Variants in PLEKHH2 observed in about 807,000 individuals in gnomAD.
PLEKHH2 encodes pleckstrin homology domain-containing family H member 2.
In PLEKHH2, 129 loss-of-function variants were observed where a neutral mutation model predicts 187.9. That is an observed-to-expected ratio of 0.69 (90% CI 0.59 to 0.79). The LOEUF (loss-of-function observed/expected upper bound fraction) is 0.79. PLEKHH2 is among the 30% of genes least tolerant of loss of function. PLEKHH2 has a pLI of 0.00. For synonymous variants in PLEKHH2, 686 were observed against 605.6 expected, an observed-to-expected ratio of 1.13 and a Z score of -1.95; for missense variants, 2,076 against 1,751.2, an observed-to-expected ratio of 1.19 and a Z score of -3.31.
intron 2 of PLEKHH2, among the ~76,000 whole-genome samples, chr2:43,646,014 C>T (rs956604812): frequency 3.9e-5 from 6 of 152,094 alleles, no homozygotes; most frequent in Non-Finnish European, 8.8e-5. Flanking sequence ...TAAGTCTAAA[C>T]TTGCATATAT....
chr2:43,736,398 A>G (rs2104583564), intron 19 of PLEKHH2, among the ~76,000 whole-genome samples: 1 of 152,246 alleles, frequency 6.6e-6, no homozygotes, highest in South Asian at 2.1e-4. Context: ...AAAACTAATG[A>G]CATACGCCCT....
intron 17 of PLEKHH2, among the ~76,000 whole-genome samples, chr2:43,727,634 T>C (rs568560181): frequency 6.6e-6 from 1 of 152,226 alleles, no homozygotes; most frequent in Admixed American, 6.5e-5. Flanking sequence ...ATCATTGTTT[T>C]TGAGCACATG....
intron 20 of PLEKHH2, among the ~76,000 whole-genome samples, chr2:43,740,069 C>T (rs904466007): frequency 2.6e-5 from 4 of 152,066 alleles, no homozygotes; most frequent in African/African-American, 4.8e-5. Context: ...TTTAATATAA[C>T]GTTTTAAAAA....
At chr2:43,747,967 C>A (rs893577309) in intron 24 of PLEKHH2, among the ~76,000 whole-genome samples, 7 of 152,208 alleles carry the variant, frequency 4.6e-5, no homozygotes, top group Non-Finnish European at 1.0e-4. Flanking sequence ...ACAGTATCTT[C>A]CTTGTCATGT....
intron 15 of PLEKHH2, among the ~76,000 whole-genome samples, chr2:43,715,503 A>G (rs1670172652): frequency 6.6e-6 from 1 of 152,206 alleles, no homozygotes; most frequent in Non-Finnish European, 1.5e-5. Context: ...AGGAAGATGA[A>G]TCAGTGGGAG....
In PLEKHH2 at chr2:43,700,418, C is replaced by A. The variant is rs1401035132; in HGVS notation, c.1460C>A (p.Thr487Asn). The stretch of plus-strand genomic sequence containing the variant: ...ATACGACCACTGAGACCTCAGGAAA[C>A]TGATCTTGATCTAGTTGATGGAGAC... ...SMIRPLRPQE[T>N]DLDLVDGDST... Residue 487 changes from threonine (T) to asparagine (N), a missense_variant, in exon 8 of 30, where the codon ACT becomes AAT. Transcript: ENST00000282406. 4.3e-6 allele frequency: 7 copies of A among 1,613,952 alleles called. No individual in the cohort carries two copies. In the African/African-American group the frequency reaches 9.3e-5, roughly 22 times the overall value.
rs1272299461 is a variant in PLEKHH2 at position 43,728,434 on chromosome 2, C to T, written c.2722-1203C>T. On this transcript the variant is annotated intron_variant, in intron 17 of 29. Coordinates refer to ENST00000282406, the MANE Select transcript of PLEKHH2 (RefSeq NM_172069.4). ...CAGAGGTTGCAGTGAATCGAGATCG[C>T]GCCATTGCACTCCAGCCTGGGTGAC... Among the ~76,000 whole-genome samples the T allele has an allele frequency of 7.8e-5, 11 of 141,012 alleles. 1 individual carries two copies. The highest frequency in any genetic ancestry group is 1.1e-4 in the African/African-American group (4 of 37,634). 92.5% of individuals were successfully genotyped at this position (141,012 alleles called of 152,430 possible). A position where few individuals can be genotyped will look rare whatever the true frequency, so the allele number is the denominator to read the frequency against.
chr2:43,678,374 G>A (rs1318296463), intron 2 of PLEKHH2, among the ~76,000 whole-genome samples: 1 of 152,164 alleles, frequency 6.6e-6, no homozygotes, highest in Non-Finnish European at 1.5e-5. Context: ...GGAGGTGGAG[G>A]TTGTAGCGAG....
At chr2:43,668,381 A>T (rs1268406715) in intron 2 of PLEKHH2, among the ~76,000 whole-genome samples, 1 of 152,212 alleles carries the variant, frequency 6.6e-6, no homozygotes, top group East Asian at 1.9e-4. Context: ...CATAGATGTA[A>T]ATAGTTTAAA....
intron 29 of PLEKHH2, among the ~76,000 whole-genome samples, chr2:43,764,760 C>T (rs1241005578): frequency 1.3e-5 from 2 of 152,182 alleles, no homozygotes; most frequent in Non-Finnish European, 2.9e-5. Context: ...TTTATGGACT[C>T]ATTAGAGGAA....
In PLEKHH2 at chr2:43,765,699, G is replaced by A. The variant is rs1672597989; in HGVS notation, c.*101G>A. ...CCTGGCAGCACGGCAGCCACACACC[G>A]GTATTCCAAACCTTAACAATGAAGG... On this transcript the variant is annotated 3_prime_UTR_variant, in exon 30 of 30. Transcript: ENST00000282406. The A allele has an allele frequency of 5.3e-6, 6 of 1,128,296 alleles. No homozygotes were observed. Among genetic ancestry groups the A allele is most frequent in the African/African-American group, 3.2e-5 (2 of 63,454 alleles). The allele number at this position is 1,128,296 out of a possible 1,614,324, so 69.9% of individuals were successfully genotyped here.
intron 19 of PLEKHH2, among the ~76,000 whole-genome samples, chr2:43,737,066 G>A (rs1396380156): frequency 6.6e-6 from 1 of 152,174 alleles, no homozygotes; most frequent in Non-Finnish European, 1.5e-5. Flanking sequence ...CAAATAGAGT[G>A]CACAGAAGGT....
chr2:43,640,061 G>A (rs1574459499), intron 1 of PLEKHH2, among the ~76,000 whole-genome samples: 1 of 152,108 alleles, frequency 6.6e-6, no homozygotes, highest in East Asian at 1.9e-4. Context: ...ACAAGTTTTG[G>A]TGTGGATGTG....
rs1224934515 is a variant in PLEKHH2 at position 43,767,291 on chromosome 2, C to G, written c.*1693C>G. On this transcript the variant is annotated 3_prime_UTR_variant, in exon 30 of 30. Coordinates refer to ENST00000282406, the MANE Select transcript of PLEKHH2 (RefSeq NM_172069.4). ...GCTGCCTTCTCCCTGTGGCAATGTA[C>G]TGTTCTCACATTAAGCCTTTTAAAA... is the stretch of plus-strand genomic sequence containing the variant. The G allele has an allele frequency of 2.0e-5, 3 of 152,288 alleles. No homozygotes were observed. The highest frequency in any genetic ancestry group is 4.8e-5 in the African/African-American group (2 of 41,436). The allele number at this position is 152,288 out of a possible 1,614,324, so 9.4% of individuals were successfully genotyped here.
intron 2 of PLEKHH2, among the ~76,000 whole-genome samples, chr2:43,647,557 G>A (rs1251884408): frequency 6.6e-6 from 1 of 152,078 alleles, no homozygotes; most frequent in Admixed American, 6.6e-5. Flanking sequence ...AGCTACCTGT[G>A]TGTGTATGTA....
At chr2:43,637,857 C>T (rs1381319846) in intron 1 of PLEKHH2, among the ~76,000 whole-genome samples, 1 of 152,206 alleles carries the variant, frequency 6.6e-6, no homozygotes, top group Non-Finnish European at 1.5e-5. Flanking sequence ...ATTTTGTACA[C>T]CTCGAGTTGC....
At chr2:43,719,970 T>C (rs1415653197) in intron 15 of PLEKHH2, among the ~76,000 whole-genome samples, 4 of 152,178 alleles carry the variant, frequency 2.6e-5, no homozygotes, top group Admixed American at 2.6e-4. Flanking sequence ...AACTATGAAA[T>C]ATACTTACTG....
chr2:43,733,526 CT>C (rs1671148595), intron 19 of PLEKHH2, among the ~76,000 whole-genome samples: 1 of 152,068 alleles, frequency 6.6e-6, no homozygotes, highest in Non-Finnish European at 1.5e-5. Context: ...CCATCTCTTT[CT>C]TTTGGCTTTG....
In PLEKHH2 at chr2:43,648,191, T is replaced by A. The variant is rs556145707; in HGVS notation, c.123+3395T>A. On this transcript the variant is annotated intron_variant, in intron 2 of 29. Transcript: ENST00000282406. ...GTCTTTCTGGTTTTTTTTGTTTGTT[T>A]GTTTGTTTGTTTTTTGAGACAGAGT... Among the ~76,000 whole-genome samples the A allele has an allele frequency of 3.9e-5, 6 of 152,136 alleles. No individual in the cohort carries two copies. The East Asian group carries it at 1.2e-3, about 29-fold the overall frequency.
Sources: allele counts gnomAD v4.1 joint callset (sites outside exome capture counted in the v4.1 genomes callset), GRCh38; gene constraint gnomAD v4.1.1; transcripts MANE v1.5; gene names NCBI Gene and HGNC (gene_info 2026-07-23, HGNC 2026-07-21).